The following MIDN variants were observed in gnomAD, a reference collection of about 807,000 sequenced individuals.
MIDN encodes the protein midbrain nucleolar protein.
A neutral mutation model predicts 46.1 loss-of-function variants in MIDN; 26 were observed. The ratio of observed to expected loss-of-function variants is 0.56; its 90% CI spans 0.41 to 0.78. MIDN has a LOEUF of 0.78. MIDN is among the 30% of genes least tolerant of loss of function. The pLI, the probability that MIDN is intolerant of heterozygous loss-of-function variation, is 0.00. For synonymous variants in MIDN, 432 were observed against 343.3 expected, an observed-to-expected ratio of 1.26 and a Z score of -2.86; for missense variants, 850 against 771.8, an observed-to-expected ratio of 1.10 and a Z score of -1.20.
chr19:1,249,687 G>GA (rs1417541024), intron 1 of MIDN, among the ~76,000 whole-genome samples: 2 of 118,062 alleles, frequency 1.7e-5, no homozygotes, highest in Non-Finnish European at 3.9e-5. Flanking sequence ...GGGGCGGGGC[G>GA]AGGGGGCGGG....
Position 1,255,433 on chromosome 19 carries a change from C to G in MIDN, c.997C>G (p.Pro333Ala). ...FSGTFSGTLHPNCQDSSGRPR... is the reference protein window; with the variant it reads ...FSGTFSGTLHANCQDSSGRPR... The stretch of plus-strand genomic sequence containing the variant: ...ACCTCTGCCCGCAGGCACGCTACAC[C>G]CCAACTGCCAAGACAGCAGCGGGCG... The change falls in exon 8 of 9, where the codon CCC becomes GCC. Residue 333 changes from proline to alanine, a missense_variant. By Grantham distance (27) the Pro-to-Ala change is conservative (BLOSUM62 -1). Coordinates refer to ENST00000682408, the MANE Select transcript of MIDN (RefSeq NM_001388306.1). The G allele has an allele frequency of 6.3e-7, 1 of 1,594,380 alleles. No homozygotes were observed.
rs376860057 is a variant in MIDN, at chr19:1,251,829, C to T, written c.322-10C>T. 1.9e-6 allele frequency: 3 copies of T among 1,612,328 alleles called. No individual in the cohort carries two copies. The highest frequency in any genetic ancestry group is 1.3e-5 in the African/African-American group (1 of 74,890). On this transcript the variant is annotated splice_polypyrimidine_tract_variant and intron_variant, in intron 3 of 8. Transcript: ENST00000682408. ...CCACACTCAGGCCCCTCTCCTCCCT[C>T]TCTTTGTAGTCTCAGGCCTCAAGGC...
At chr19:1,254,868 G>T (rs775228297) in intron 6 of MIDN, 34 bp from the exon 7 acceptor site, 40 of 1,575,730 alleles carry the variant, frequency 2.5e-5, no homozygotes, top group Non-Finnish European at 3.3e-5. Flanking sequence ...CCTGATCCTG[G>T]ACCCCGTGCT....
Position 1,251,836 on chromosome 19 carries a change from T to C in MIDN, c.322-3T>C. Reference sequence around the variant, plus strand: ...CAGGCCCCTCTCCTCCCTCTCTTTGTAGTCTCAGGCCTCAAGGCCGGAACA... The same window carrying C: ...CAGGCCCCTCTCCTCCCTCTCTTTGCAGTCTCAGGCCTCAAGGCCGGAACA... On this transcript the variant is annotated splice_polypyrimidine_tract_variant and splice_region_variant and intron_variant, in intron 3 of 8. Transcript: ENST00000682408. 1 of 1,612,664 alleles carries C rather than the reference T, an allele frequency of 6.2e-7. No individual in the cohort carries two copies. Among genetic ancestry groups the C allele is most frequent in the South Asian group, 1.1e-5 (1 of 91,056 alleles).
rs540442687 is a variant in MIDN, at chr19:1,258,239, C to T, written c.*967C>T. Reference sequence around the variant, plus strand: ...GCTGGGGAGTTCCCCCCTCCGAGCCCTCCTTCCCGGCCCAACCTGAGGGAT... The same window carrying T: ...GCTGGGGAGTTCCCCCCTCCGAGCCTTCCTTCCCGGCCCAACCTGAGGGAT... On this transcript the variant is annotated 3_prime_UTR_variant, in exon 9 of 9. Transcript: ENST00000682408. The T allele has an allele frequency of 6.5e-6, 1 of 152,742 alleles. No homozygotes were observed. The highest frequency in any genetic ancestry group is 6.5e-5 in the Admixed American group (1 of 15,312). The allele number at this position is 152,742 out of a possible 1,614,324, so 9.5% of individuals were successfully genotyped here.
chr19:1,257,353 C>G lies in MIDN; in HGVS notation c.*81C>G. ...TCCGAGAGCCCCGGAGAGAACGTGG[C>G]CCAGCCCTGGAGGGCAGGCGGCCAC... On this transcript the variant is annotated 3_prime_UTR_variant, in exon 9 of 9. Transcript: ENST00000682408. 1 of 1,259,150 alleles carries G rather than the reference C, an allele frequency of 7.9e-7. No individual in the cohort carries two copies. The highest frequency in any genetic ancestry group is 1.1e-6 in the Non-Finnish European group (1 of 882,156). The allele number at this position is 1,259,150 out of a possible 1,614,324, so 78.0% of individuals were successfully genotyped here. A position where few individuals can be genotyped will look rare whatever the true frequency, so the allele number is the denominator to read the frequency against.
At chr19:1,255,801 G>A (rs544523837) in intron 8 of MIDN, 107 bp downstream of exon 8, 9 of 1,071,532 alleles carry the variant, frequency 8.4e-6, no homozygotes, top group East Asian at 5.4e-5. Context: ...CCCAGGGGCT[G>A]GGGGGGATGG....
chr19:1,250,589 A>C, intron 2 of MIDN, 60 bp downstream of exon 2: 1 of 960,816 alleles, frequency 1.0e-6, no homozygotes, highest in Non-Finnish European at 1.3e-6. Flanking sequence ...GGGCGGGAAC[A>C]AAGAGCGCGC....
At chr19:1,254,646 G>A (rs578195211) in intron 6 of MIDN, among the ~76,000 whole-genome samples, 168 bp downstream of exon 6, 2 of 152,112 alleles carry the variant, frequency 1.3e-5, no homozygotes, top group Admixed American at 6.5e-5. Context: ...AGATTGGTGG[G>A]GTATTTCTAG....
At chr19:1,255,964 G>C (rs2081194543) in intron 8 of MIDN, among the ~76,000 whole-genome samples, 1 of 152,254 alleles carries the variant, frequency 6.6e-6, no homozygotes, top group Non-Finnish European at 1.5e-5. Context: ...GGCATTTGGT[G>C]CCTCTGTGAA....
rs774295310 is a variant in MIDN, at chr19:1,251,912, G to A, written c.384+11G>A. ...CTCACGGAGACGCAGGTAAGACCTC[G>A]CCAGCCCCTTCCTAACAGGGCAGCC... On this transcript the variant is annotated intron_variant, in intron 4 of 8. Coordinates refer to ENST00000682408, the MANE Select transcript of MIDN (RefSeq NM_001388306.1). 3.7e-6 allele frequency: 6 copies of A among 1,611,696 alleles called. No homozygotes were observed. The highest frequency in any genetic ancestry group is 3.3e-5 in the Admixed American group (2 of 59,958).
intron 3 of MIDN, 58 bp from the exon 4 acceptor site, chr19:1,251,781 T>C (rs2081131972): frequency 2.0e-6 from 3 of 1,527,498 alleles, no homozygotes; most frequent in African/African-American, 1.4e-5. Context: ...CTCCACCCCC[T>C]ATTCCAGCCC....
At position 1,254,277 on chromosome 19, in the gene MIDN, C is replaced by A; in HGVS notation, c.624C>A (p.His208Gln). Residue 208 changes from histidine to glutamine, a missense_variant, in exon 6 of 9, where the codon CAC becomes CAA. His to Gln is a conservative substitution (Grantham distance 24). Coordinates refer to ENST00000682408, the MANE Select transcript of MIDN (RefSeq NM_001388306.1). Reference sequence around the variant, plus strand: ...CGGCCCAGCACGCTCCACTGCAACACCGCCATGTGCTGGCCGCTGCGGCCG... The same window carrying A: ...CGGCCCAGCACGCTCCACTGCAACAACGCCATGTGCTGGCCGCTGCGGCCG... ...QLAAQHAPLQ[H>Q]RHVLAAAAAA... The A allele has an allele frequency of 6.3e-7, 1 of 1,582,006 alleles. No homozygotes were observed. The highest frequency in any genetic ancestry group is 8.5e-7 in the Non-Finnish European group (1 of 1,171,176).
intron 8 of MIDN, among the ~76,000 whole-genome samples, chr19:1,256,341 G>C (rs113139359): frequency 9.9e-5 from 15 of 152,270 alleles, no homozygotes; most frequent in African/African-American, 3.6e-4. Flanking sequence ...AAATTAGCCA[G>C]GCGTGGTGGT....
chr19:1,249,334 C>T (rs2081092418), intron 1 of MIDN, among the ~76,000 whole-genome samples: 1 of 150,660 alleles, frequency 6.6e-6, no homozygotes, highest in Non-Finnish European at 1.5e-5. Flanking sequence ...CACCGTCGCC[C>T]GCCCGCCCCG....
intron 2 of MIDN, among the ~76,000 whole-genome samples, chr19:1,250,982 C>A (rs954666968): frequency 6.6e-6 from 1 of 152,088 alleles, no homozygotes; most frequent in East Asian, 1.9e-4. Context: ...ATTTAAATCG[C>A]CTGCAGGCCC....
At chr19:1,255,285 G>A (rs927886269) in intron 7 of MIDN, 137 bp from the exon 8 acceptor site, 65 of 1,250,512 alleles carry the variant, frequency 5.2e-5, no homozygotes, top group Non-Finnish European at 6.4e-5. Context: ...TCCCGCTCCC[G>A]CCCCGTGGTC....
intron 4 of MIDN, among the ~76,000 whole-genome samples, chr19:1,252,261 C>T (rs1165679121): frequency 3.3e-5 from 5 of 152,184 alleles, no homozygotes; most frequent in Non-Finnish European, 7.4e-5. Flanking sequence ...GCTGTGGCTT[C>T]CCCAGAGCGA....
At position 1,251,631 on chromosome 19, in the gene MIDN, C is replaced by A; in HGVS notation, c.303C>A (p.Thr101=). 1 of 1,609,676 alleles carries A rather than the reference C, an allele frequency of 6.2e-7. No individual in the cohort carries two copies. Among genetic ancestry groups the A allele is most frequent in the Non-Finnish European group, 8.5e-7 (1 of 1,178,510 alleles). ...GCAGCAAGCTGACCTTGGTACCCAC[C>A]GTGGAAGCGGGCCTCATGGTAAATG... ...GDGSKLTLVP[T]VEAGLMSQAS... Residue 101 remains threonine, a synonymous_variant, in exon 3 of 9, where the codon ACC becomes ACA. Transcript: ENST00000682408.
Sources: allele counts gnomAD v4.1 joint callset (sites outside exome capture counted in the v4.1 genomes callset), GRCh38; gene constraint gnomAD v4.1.1; transcripts MANE v1.5; gene names NCBI Gene and HGNC (gene_info 2026-07-23, HGNC 2026-07-21).